Variants in LINGO2 observed in about 807,000 individuals in gnomAD.
LINGO2 encodes leucine-rich repeat and immunoglobulin-like domain-containing nogo receptor-interacting protein 2.
Under a neutral mutation model 30.6 loss-of-function variants are expected in LINGO2, and 14 were observed. The ratio of observed to expected loss-of-function variants is 0.46; its 90% CI spans 0.30 to 0.72. The LOEUF is 0.72. Among genes scored for constraint, LINGO2 ranks in the 30% least tolerant of loss-of-function variants. The pLI is 0.07. For synonymous variants in LINGO2, 317 were observed against 288.5 expected, an observed-to-expected ratio of 1.10 and a Z score of -1.00; for missense variants, 729 against 751.7, an observed-to-expected ratio of 0.97 and a Z score of 0.35.
chr9:28,637,435 A>C (rs954935429), intron 1 of LINGO2, among the ~76,000 whole-genome samples: 2 of 152,026 alleles, frequency 1.3e-5, no homozygotes, highest in African/African-American at 2.4e-5. Flanking sequence ...TCATGATATT[A>C]ATTCTTCCTA....
intron 1 of LINGO2, among the ~76,000 whole-genome samples, chr9:28,661,878 A>T (rs1828598666): frequency 6.6e-6 from 1 of 152,186 alleles, no homozygotes; most frequent in Non-Finnish European, 1.5e-5. Flanking sequence ...TATTCATGAG[A>T]ACAAGAGAAC....
intron 5 of LINGO2, among the ~76,000 whole-genome samples, chr9:28,002,745 T>C (rs1822024744): frequency 6.6e-6 from 1 of 152,030 alleles, no homozygotes. Flanking sequence ...AAAAATCGAT[T>C]CCTAGCTAGG....
At chr9:28,708,761 T>TTATCTATCTATC in the LINGO2 span, among the ~76,000 whole-genome samples, 12,418 of 147,806 alleles carry the variant, frequency 0.084, 612 homozygotes, top group South Asian at 0.1. Flanking sequence ...TTTAAACTAA[T>TTATCTATCTATC]TATCTATCTA....
the LINGO2 span, among the ~76,000 whole-genome samples, chr9:28,994,995 C>G: frequency 6.6e-6 from 1 of 151,962 alleles, no homozygotes; most frequent in Non-Finnish European, 1.5e-5. Context: ...AAAGCAATGG[C>G]AACAAAAGCC....
At chr9:28,196,442 T>C (rs1009294219) in intron 4 of LINGO2, among the ~76,000 whole-genome samples, 2 of 151,742 alleles carry the variant, frequency 1.3e-5, no homozygotes, top group African/African-American at 4.8e-5. Flanking sequence ...TTAATAGACA[T>C]TATATGTACA....
At chr9:28,430,101 C>T (rs889684788) in intron 2 of LINGO2, among the ~76,000 whole-genome samples, 3 of 77,032 alleles carry the variant, frequency 3.9e-5, no homozygotes, top group African/African-American at 6.5e-5. Flanking sequence ...TTTCCACGCG[C>T]GCGCGCGCGT....
At chr9:28,081,730 T>C (rs1825779294) in intron 4 of LINGO2, among the ~76,000 whole-genome samples, 2 of 152,152 alleles carry the variant, frequency 1.3e-5, no homozygotes, top group African/African-American at 2.4e-5. Context: ...GGAAATGCAA[T>C]CCCTATATTT....
intron 4 of LINGO2, among the ~76,000 whole-genome samples, chr9:28,178,110 T>C (rs993950141): frequency 2.0e-5 from 3 of 152,126 alleles, no homozygotes; most frequent in Non-Finnish European, 2.9e-5. Context: ...ACTTTATCTC[T>C]GCCTTGCCCC....
the LINGO2 span, among the ~76,000 whole-genome samples, chr9:29,125,769 T>C: frequency 6.6e-6 from 1 of 152,170 alleles, no homozygotes; most frequent in Non-Finnish European, 1.5e-5. Context: ...AAAGTATCTT[T>C]AGGACATGTA....
the LINGO2 span, among the ~76,000 whole-genome samples, chr9:28,827,252 G>T: frequency 6.6e-6 from 1 of 152,048 alleles, no homozygotes; most frequent in Non-Finnish European, 1.5e-5. Flanking sequence ...CAATATTCAT[G>T]GTAACTAGTG....
the LINGO2 span, among the ~76,000 whole-genome samples, chr9:28,858,572 G>A: frequency 5.9e-5 from 9 of 152,054 alleles, no homozygotes; most frequent in South Asian, 1.5e-3. Context: ...TCTAAAATGC[G>A]GGTTTCATCC....
intron 5 of LINGO2, among the ~76,000 whole-genome samples, chr9:27,999,436 C>CAGAGAGAGAGAGAGAGAGAGAGAGAGAG (rs36216761): frequency 9.0e-5 from 13 of 143,764 alleles, no homozygotes; most frequent in African/African-American, 3.4e-4. Flanking sequence ...GCCTAATCTT[C>CAGAGAGAGAGAGAGAGAGAGAGAGAGAG]AGAGAGAGAG....
chr9:28,146,238 G>C (rs1827808743), intron 4 of LINGO2, among the ~76,000 whole-genome samples: 1 of 152,164 alleles, frequency 6.6e-6, no homozygotes, highest in African/African-American at 2.4e-5. Context: ...GGCTTGAATA[G>C]TCAACTGAGT....
At position 28,147,485 on chromosome 9, in the gene LINGO2, G is replaced by T. The variant is rs1209665554; in HGVS notation, c.-86-135080C>A. ...GCCACGGCAGCCATGGAGAAGGCGG[G>T]CCTGGCTCCAGGCAGCACAGAGGCA... is the stretch of plus-strand genomic sequence containing the variant. On this transcript the variant is annotated intron_variant, in intron 4 of 5. Transcript: ENST00000379992. This position sits in a 1 kb window ranked among gnomAD's most constrained non-coding sequence, Gnocchi z 4.7. Among the ~76,000 whole-genome samples the T allele has an allele frequency of 5.3e-5, 8 of 152,228 alleles. No homozygotes were observed. The highest frequency in any genetic ancestry group is 1.4e-4 in the African/African-American group (6 of 41,466).
intron 3 of LINGO2, among the ~76,000 whole-genome samples, chr9:28,344,233 G>C (rs1482962511): frequency 6.6e-6 from 1 of 151,990 alleles, no homozygotes; most frequent in African/African-American, 2.4e-5. Context: ...TTTTCTATAA[G>C]AATGAGGAGG....
At chr9:28,914,582 T>C in the LINGO2 span, among the ~76,000 whole-genome samples, 1 of 152,204 alleles carries the variant, frequency 6.6e-6, no homozygotes, top group African/African-American at 2.4e-5. Context: ...GGTTCACTTA[T>C]ACATGGATTT....
chr9:28,095,419 A>G (rs973863576), intron 4 of LINGO2, among the ~76,000 whole-genome samples: 5 of 152,150 alleles, frequency 3.3e-5, no homozygotes, highest in Non-Finnish European at 5.9e-5. Context: ...ATCTACAACT[A>G]TCTGATCTTT....
At chr9:28,293,270 T>C (rs1204357740) in intron 4 of LINGO2, among the ~76,000 whole-genome samples, 2 of 151,884 alleles carry the variant, frequency 1.3e-5, no homozygotes, top group Non-Finnish European at 2.9e-5. Flanking sequence ...ACTAATTTTT[T>C]AAAATTTTAT....
chr9:28,967,499 G>A, the LINGO2 span, among the ~76,000 whole-genome samples: 2 of 152,104 alleles, frequency 1.3e-5, no homozygotes, highest in African/African-American at 4.8e-5. Flanking sequence ...ATGACCTGGG[G>A]CATTCCTCCA....
Sources: allele counts gnomAD v4.1 joint callset (sites outside exome capture counted in the v4.1 genomes callset), GRCh38; gene constraint gnomAD v4.1.1; non-coding constraint Gnocchi (gnomAD v3.1); transcripts MANE v1.5; gene names NCBI Gene and HGNC (gene_info 2026-07-23, HGNC 2026-07-21).